Variants in NDRG2 observed in about 807,000 individuals in gnomAD.
NDRG2 encodes protein NDRG2.
Under a neutral mutation model 58.2 loss-of-function variants are expected in NDRG2, and 34 were observed. That is an observed-to-expected ratio of 0.58 (90% CI 0.44 to 0.78). The LOEUF (loss-of-function observed/expected upper bound fraction) is 0.78. Ranked by LOEUF, NDRG2 falls within the 30% of genes least tolerant of loss-of-function variation. The pLI is 0.00. For synonymous variants in NDRG2, 187 were observed against 175.9 expected (o/e 1.06, Z -0.50); for missense variants, 434 against 471.2 (o/e 0.92, Z 0.73).
chr14:21,040,364 T>C (rs946226048), intron 1 of NDRG2, among the ~76,000 whole-genome samples: 1 of 152,146 alleles, frequency 6.6e-6, no homozygotes, highest in Non-Finnish European at 1.5e-5. Flanking sequence ...GTCCAGCTAC[T>C]AAAATAATGT....
chr14:21,033,551 T>A, intron 1 of NDRG2: 1 of 503,266 alleles, frequency 2.0e-6, no homozygotes, highest in South Asian at 2.2e-5. Context: ...ACAGTCAACT[T>A]CTTGGGTGGG....
At chr14:21,059,964 C>T (rs750519449) in intron 1 of NDRG2, among the ~76,000 whole-genome samples, 3 of 152,154 alleles carry the variant, frequency 2.0e-5, no homozygotes, top group Admixed American at 6.5e-5. Flanking sequence ...CATACACACC[C>T]CCATATGCAT....
chr14:21,067,761 TACACAC>T lies in NDRG2; in HGVS notation c.24+3061_24+3066del, dbSNP rs3061993. On this transcript the variant is annotated intron_variant, in intron 1 of 14. Transcript: ENST00000403829. ...ACACATACTCTGTTGTGTACACACG[TACACAC>T]ACACACACACACACACACTTTTAGG... Among the ~76,000 whole-genome samples the T allele has an allele frequency of 7.3e-5, 11 of 150,126 alleles. No individual in the cohort carries two copies. In the South Asian group the frequency reaches 1.1e-3, roughly 14 times the overall value.
At chr14:21,047,883 A>G (rs996187934) in intron 1 of NDRG2, among the ~76,000 whole-genome samples, 1 of 152,108 alleles carries the variant, frequency 6.6e-6, no homozygotes, top group African/African-American at 2.4e-5. Context: ...GAAGTAAATG[A>G]GCCCTAGACA....
chr14:21,017,288 C>A lies in NDRG2; in HGVS notation c.*308G>T. 1 of 433,990 alleles carries A rather than the reference C, an allele frequency of 2.3e-6. No individual in the cohort carries two copies. Among genetic ancestry groups the A allele is most frequent in the African/African-American group, 2.0e-5 (1 of 49,912 alleles). The allele number at this position is 433,990 out of a possible 1,614,324, so 26.9% of individuals were successfully genotyped here. ...AGGACAACTACAACAACCTCTTACC[C>A]CTCAGCTATAGACACCTAGATCAGG... On this transcript the variant is annotated 3_prime_UTR_variant, in exon 16 of 16. Coordinates refer to ENST00000556147, the MANE Select transcript of NDRG2 (RefSeq NM_001320329.2).
chr14:21,068,777 G>A lies in NDRG2; in HGVS notation c.24+2051C>T, dbSNP rs1349191345. 2.0e-5 allele frequency among the ~76,000 whole-genome samples: 3 copies of A among 152,324 alleles called. No individual in the cohort carries two copies. The East Asian group carries it at 5.8e-4, about 29-fold the overall frequency. Reference sequence around the variant, plus strand: ...ATGGTTACCGGGGCTTGTTGCCATAGGTTCTTTTTTGACGCATGGAGCAGA... The same window carrying A: ...ATGGTTACCGGGGCTTGTTGCCATAAGTTCTTTTTTGACGCATGGAGCAGA... On this transcript the variant is annotated intron_variant, in intron 1 of 14. Coordinates refer to the NDRG2 transcript ENST00000403829.
intron 1 of NDRG2, chr14:21,043,712 G>T: frequency 2.2e-6 from 1 of 458,690 alleles, no homozygotes; most frequent in Non-Finnish European, 4.0e-6. Flanking sequence ...TGGGTTCCCT[G>T]GTCTATGCCA....
chr14:21,060,223 G>A (rs1885886527), intron 1 of NDRG2, among the ~76,000 whole-genome samples: 1 of 152,078 alleles, frequency 6.6e-6, no homozygotes, highest in Non-Finnish European at 1.5e-5. Context: ...CAAAATCCCA[G>A]CCCCCTTCTA....
chr14:21,021,560 G>A (rs1288867979), intron 6 of NDRG2: 3 of 498,344 alleles, frequency 6.0e-6, no homozygotes, highest in East Asian at 6.9e-5. Context: ...ATCAGAGAAG[G>A]CCCTCCTTAG....
intron 1 of NDRG2, chr14:21,032,571 AG>A: frequency 2.9e-6 from 1 of 346,620 alleles, no homozygotes; most frequent in South Asian, 2.1e-5. Flanking sequence ...AAGCCAGCTA[AG>A]GTTGCCTGAC....
intron 1 of NDRG2, chr14:21,048,518 A>G (rs1361948160): frequency 6.6e-6 from 1 of 152,232 alleles, no homozygotes; most frequent in African/African-American, 2.4e-5. Flanking sequence ...CAGCCTCCCA[A>G]AACTGCTGAG....
intron 1 of NDRG2, among the ~76,000 whole-genome samples, chr14:21,058,880 T>C (rs1046784243): frequency 6.6e-6 from 1 of 152,064 alleles, no homozygotes; most frequent in South Asian, 2.1e-4. Context: ...TGTCTTGGGG[T>C]AAGTGGAGAG....
chr14:21,056,779 C>A (rs532569446), intron 1 of NDRG2, among the ~76,000 whole-genome samples: 1 of 152,194 alleles, frequency 6.6e-6, no homozygotes, highest in Admixed American at 6.5e-5. Flanking sequence ...ACTCACTCGG[C>A]GGCCTTGGAA....
At chr14:21,041,045 G>A (rs988839657) in intron 1 of NDRG2, among the ~76,000 whole-genome samples, 1 of 152,082 alleles carries the variant, frequency 6.6e-6, no homozygotes, top group African/African-American at 2.4e-5. Flanking sequence ...AGGCTGGAGT[G>A]CAGTGGTGCA....
In NDRG2 at chr14:21,062,708, A is replaced by AGTGTGTGTGTGTGTGTGTGTGTGT. The variant is rs71416997; in HGVS notation, c.24+8096_24+8119dup. ...AATGTAAACAAAACAGGCTGGGCAC[A>AGTGTGTGTGTGTGTGTGTGTGTGT]GTGTGTGTGTGTGTGTGTGTGTGTG... On this transcript the variant is annotated intron_variant, in intron 1 of 14. Transcript: ENST00000403829. 8.7e-3 allele frequency among the ~76,000 whole-genome samples: 1,137 copies of AGTGTGTGTGTGTGTGTGTGTGTGT among 130,994 alleles called. 10 individuals are homozygous for AGTGTGTGTGTGTGTGTGTGTGTGT. Among genetic ancestry groups the AGTGTGTGTGTGTGTGTGTGTGTGT allele is most frequent in the Middle Eastern group, 0.015 (4 of 262 alleles). 85.9% of individuals were successfully genotyped at this position (130,994 alleles called of 152,430 possible).
intron 1 of NDRG2, among the ~76,000 whole-genome samples, chr14:21,063,660 ACT>A (rs1310169305): frequency 6.6e-6 from 1 of 152,104 alleles, no homozygotes; most frequent in Non-Finnish European, 1.5e-5. Flanking sequence ...CAGAAGACTG[ACT>A]CTGCTGGGGG....
chr14:21,019,013 G>A (rs1878539115), intron 11 of NDRG2, 103 bp downstream of exon 11: 2 of 1,365,312 alleles, frequency 1.5e-6, no homozygotes, highest in African/African-American at 2.9e-5. Flanking sequence ...GGTGGGACAT[G>A]ACAAGGAAGT....
chr14:21,053,818 A>G (rs1458178989), intron 1 of NDRG2, among the ~76,000 whole-genome samples: 1 of 152,092 alleles, frequency 6.6e-6, no homozygotes, highest in Non-Finnish European at 1.5e-5. Flanking sequence ...AAGAAAAAAA[A>G]AATACACTTC....
chr14:21,023,425 G>T (rs1339543981), intron 1 of NDRG2, 104 bp from the exon 2 acceptor site: 1 of 1,049,210 alleles, frequency 9.5e-7, no homozygotes. Flanking sequence ...GGGAACAGAG[G>T]GACCCAGGGG....
Sources: allele counts gnomAD v4.1 joint callset (sites outside exome capture counted in the v4.1 genomes callset), GRCh38; gene constraint gnomAD v4.1.1; transcripts MANE v1.5; gene names NCBI Gene and HGNC (gene_info 2026-07-23, HGNC 2026-07-21).